The following VAV3 variants were observed in gnomAD, a reference collection of about 807,000 sequenced individuals.
VAV3 encodes the protein vav guanine nucleotide exchange factor 3, also known as guanine nucleotide exchange factor VAV3.
VAV3 carries 94 observed loss-of-function variants against 131.2 expected under a neutral mutation model. That is an observed-to-expected ratio of 0.72 (90% CI 0.61 to 0.85). The LOEUF (loss-of-function observed/expected upper bound fraction) is 0.85, where lower values mean the gene tolerates loss of function less well. Ranked by LOEUF, VAV3 falls within the 40% of genes least tolerant of loss-of-function variation. The probability of loss-of-function intolerance (pLI) is 0.00; values close to 1 mark genes in which losing one functional copy is unlikely to be tolerated. For synonymous variants in VAV3, 349 were observed against 342.0 expected (o/e 1.02, Z -0.22); for missense variants, 939 against 1,002.7 (o/e 0.94, Z 0.86).
chr1:107,585,631 G>A (rs966321201), intron 25 of VAV3, among the ~76,000 whole-genome samples: 3 of 152,122 alleles, frequency 2.0e-5, no homozygotes, highest in African/African-American at 7.2e-5. Flanking sequence ...ACCTCCTTGA[G>A]AGTCTTGATT....
intron 1 of VAV3, among the ~76,000 whole-genome samples, chr1:107,889,758 AGCTGTAT>A (rs1671226496): frequency 6.6e-6 from 1 of 152,240 alleles, no homozygotes; most frequent in East Asian, 1.9e-4. Context: ...CTATTCAGGA[AGCTGTAT>A]GATCAGAAAG....
At chr1:107,579,434 C>G (rs1028876872) in intron 25 of VAV3, among the ~76,000 whole-genome samples, 1 of 152,138 alleles carries the variant, frequency 6.6e-6, no homozygotes, top group Non-Finnish European at 1.5e-5. Flanking sequence ...CCATGTTTCC[C>G]CCCTGCAAGA....
intron 2 of VAV3, among the ~76,000 whole-genome samples, chr1:107,821,517 C>T (rs1343108569): frequency 6.6e-6 from 1 of 152,110 alleles, no homozygotes; most frequent in African/African-American, 2.4e-5. Flanking sequence ...ATGTGAAGAT[C>T]GTGAACAATC....
In VAV3 at chr1:107,812,818, A is replaced by G. The variant is rs1252941155; in HGVS notation, c.322-33326T>C. Among the ~76,000 whole-genome samples the G allele has an allele frequency of 2.0e-5, 3 of 152,140 alleles. No homozygotes were observed. The East Asian group carries it at 5.8e-4, about 29-fold the overall frequency. On this transcript the variant is annotated intron_variant, in intron 2 of 26. Coordinates refer to ENST00000370056, the MANE Select transcript of VAV3 (RefSeq NM_006113.5). ...TTGAAGCAGGAAGAGATATAAGAAT[A>G]CAGGAATTAAAAACTCTTGATAAGG...
chr1:107,896,191 T>A (rs1482231229), intron 1 of VAV3, among the ~76,000 whole-genome samples: 2 of 152,228 alleles, frequency 1.3e-5, no homozygotes, highest in Non-Finnish European at 2.9e-5. Flanking sequence ...GTTGGCAACC[T>A]GCATTTGGCA....
chr1:107,734,054 T>G (rs1007422941), intron 15 of VAV3, among the ~76,000 whole-genome samples: 1 of 152,184 alleles, frequency 6.6e-6, no homozygotes, highest in Non-Finnish European at 1.5e-5. Flanking sequence ...GGGGCCAATA[T>G]TCAACATTTT....
chr1:107,808,000 T>C (rs904742730), intron 2 of VAV3, among the ~76,000 whole-genome samples: 9 of 152,178 alleles, frequency 5.9e-5, no homozygotes, highest in African/African-American at 2.2e-4. Context: ...CAAAACATAA[T>C]AATTGCGGCT....
intron 2 of VAV3, among the ~76,000 whole-genome samples, chr1:107,867,199 CAA>C (rs1459921267): frequency 6.6e-6 from 1 of 152,144 alleles, no homozygotes; most frequent in Admixed American, 6.6e-5. Context: ...GGATTCTTTG[CAA>C]AGTTATTTGG....
At chr1:107,847,234 G>A (rs754812691) in intron 2 of VAV3, among the ~76,000 whole-genome samples, 2 of 152,086 alleles carry the variant, frequency 1.3e-5, no homozygotes, top group Non-Finnish European at 1.5e-5. Context: ...TAAGAACAAA[G>A]AAACAATGTG....
intron 11 of VAV3, among the ~76,000 whole-genome samples, 161 bp from the exon 12 acceptor site, chr1:107,755,674 A>G (rs1664062751): frequency 6.6e-6 from 1 of 152,190 alleles, no homozygotes; most frequent in Admixed American, 6.6e-5. Flanking sequence ...AAGCTGCATC[A>G]CAGAGGCAAT....
At chr1:107,879,700 C>T (rs189136935) in intron 1 of VAV3, among the ~76,000 whole-genome samples, 1 of 79,422 alleles carries the variant, frequency 1.3e-5, no homozygotes, top group Non-Finnish European at 2.7e-5. Context: ...CATAACCATA[C>T]CTATTTTTGA....
intron 18 of VAV3, among the ~76,000 whole-genome samples, chr1:107,687,960 C>T (rs1659148665): frequency 6.6e-6 from 1 of 152,084 alleles, no homozygotes; most frequent in East Asian, 1.9e-4. Context: ...TGGAAAAGTA[C>T]TAGAAACATG....
At chr1:107,944,209 C>T (rs890907902) in intron 1 of VAV3, among the ~76,000 whole-genome samples, 1 of 152,102 alleles carries the variant, frequency 6.6e-6, no homozygotes, top group Non-Finnish European at 1.5e-5. Context: ...TTAAGGATGC[C>T]GGACCCCCTC....
chr1:107,632,644 A>G (rs1346614686), intron 20 of VAV3, among the ~76,000 whole-genome samples: 2 of 152,238 alleles, frequency 1.3e-5, no homozygotes, highest in African/African-American at 4.8e-5. Flanking sequence ...CAAACATATT[A>G]CTGGCTGCTG....
At chr1:107,920,144 C>A (rs2101150135) in intron 1 of VAV3, among the ~76,000 whole-genome samples, 1 of 152,288 alleles carries the variant, frequency 6.6e-6, no homozygotes, top group Non-Finnish European at 1.5e-5. Flanking sequence ...GTGAAAACTT[C>A]AAGATCTATA....
chr1:107,683,832 G>A (rs550108392), intron 18 of VAV3, among the ~76,000 whole-genome samples: 2 of 152,224 alleles, frequency 1.3e-5, no homozygotes, highest in Admixed American at 1.3e-4. Flanking sequence ...TCATAGTGAC[G>A]ATGGAGAGAA....
chr1:107,882,599 T>C (rs959077642), intron 1 of VAV3, among the ~76,000 whole-genome samples: 3 of 152,188 alleles, frequency 2.0e-5, no homozygotes, highest in African/African-American at 7.2e-5. Flanking sequence ...TCTCTCTTAC[T>C]GGAGTTCCCT....
intron 25 of VAV3, among the ~76,000 whole-genome samples, chr1:107,589,387 C>T (rs1378312138): frequency 1.1e-4 from 16 of 152,150 alleles, no homozygotes; most frequent in Admixed American, 9.8e-4. Flanking sequence ...CAGAAGGTGA[C>T]GTGAAGACCA....
Position 107,915,284 on chromosome 1 carries a change from C to A in VAV3, c.205-40267G>T, listed in dbSNP as rs188386250. On this transcript the variant is annotated intron_variant, in intron 1 of 26. Transcript: ENST00000370056. Reference sequence around the variant, plus strand: ...TTAAAGGTTTAATGAGATGCAAAAGCCTCAATCAGTAGTGGGCTCATTTCC... The same window carrying A: ...TTAAAGGTTTAATGAGATGCAAAAGACTCAATCAGTAGTGGGCTCATTTCC... Among the ~76,000 whole-genome samples, 646 of 152,258 alleles carry A rather than the reference C, an allele frequency of 4.2e-3. 2 individuals carry two copies. Among genetic ancestry groups the A allele is most frequent in the Non-Finnish European group, 5.4e-3 (369 of 68,014 alleles).
Sources: gnomAD v4.1 joint callset for allele counts (sites outside exome capture counted in the v4.1 genomes callset) on GRCh38, gnomAD v4.1.1 for gene constraint, MANE v1.5 for transcripts, NCBI Gene and HGNC (gene_info 2026-07-23, HGNC 2026-07-21) for gene names.